Variants in RBMS1 observed in about 807,000 individuals in gnomAD.
RBMS1 encodes RNA-binding motif, single-stranded-interacting protein 1.
RBMS1 carries 17 observed loss-of-function variants against 62.3 expected under a neutral mutation model. That is an observed-to-expected ratio of 0.27 (90% CI 0.19 to 0.41). The LOEUF is 0.41. Ranked by LOEUF, RBMS1 falls within the 10% of genes least tolerant of loss-of-function variation. RBMS1 has a pLI of 1.00. For synonymous variants in RBMS1, 172 were observed against 170.0 expected, an observed-to-expected ratio of 1.01 and a Z score of -0.09; for missense variants, 334 against 504.5, an observed-to-expected ratio of 0.66 and a Z score of 3.24.
intron 2 of RBMS1, among the ~76,000 whole-genome samples, chr2:160,324,907 T>TATATATATATATATACACACACACAC (rs1321182985): frequency 9.4e-6 from 1 of 106,778 alleles, no homozygotes; most frequent in African/African-American, 4.2e-5. Flanking sequence ...TATATATATA[T>TATATATATATATATACACACACACAC]ACACACACAC....
At chr2:160,451,463 T>C (rs1180895694) in intron 1 of RBMS1, among the ~76,000 whole-genome samples, 1 of 152,172 alleles carries the variant, frequency 6.6e-6, no homozygotes, top group East Asian at 1.9e-4. Context: ...ATAATCTATA[T>C]TTGGATTAAA....
chr2:160,392,089 C>G (rs1412611770), intron 1 of RBMS1, among the ~76,000 whole-genome samples: 1 of 152,136 alleles, frequency 6.6e-6, no homozygotes, highest in African/African-American at 2.4e-5. Flanking sequence ...GCTCTTAATC[C>G]AAAACCTTTT....
chr2:160,344,126 T>C (rs1185278361), intron 2 of RBMS1, among the ~76,000 whole-genome samples: 2 of 152,162 alleles, frequency 1.3e-5, no homozygotes, highest in African/African-American at 4.8e-5. Flanking sequence ...TTCTTTCTTT[T>C]AACCTGAAAG....
intron 1 of RBMS1, among the ~76,000 whole-genome samples, chr2:160,455,251 A>G (rs1684169995): frequency 6.6e-6 from 1 of 152,260 alleles, no homozygotes; most frequent in Non-Finnish European, 1.5e-5. Flanking sequence ...ATAAATGGCA[A>G]TATAAGACAT....
At chr2:160,451,678 G>A (rs979306344) in intron 1 of RBMS1, among the ~76,000 whole-genome samples, 7 of 151,498 alleles carry the variant, frequency 4.6e-5, no homozygotes, top group African/African-American at 1.7e-4. Flanking sequence ...GTGCAATCTC[G>A]GCTCACTGCA....
chr2:160,377,090 G>T (rs201833797), intron 1 of RBMS1, among the ~76,000 whole-genome samples: 5 of 148,254 alleles, frequency 3.4e-5, no homozygotes, highest in African/African-American at 1.2e-4. Context: ...GGCTTGCTGG[G>T]TTTTTTTTTT....
At chr2:160,355,250 A>G (rs957298742) in intron 2 of RBMS1, among the ~76,000 whole-genome samples, 7 of 152,106 alleles carry the variant, frequency 4.6e-5, no homozygotes, top group Non-Finnish European at 1.0e-4. Context: ...CACCTGTTTC[A>G]GCTGACAGAA....
At chr2:160,327,634 T>C (rs1559388008) in intron 2 of RBMS1, among the ~76,000 whole-genome samples, 2 of 152,146 alleles carry the variant, frequency 1.3e-5, no homozygotes, top group South Asian at 2.1e-4. Context: ...TACATTATCT[T>C]ATGACAATAT....
chr2:160,291,181 C>T (rs966291031), intron 6 of RBMS1, among the ~76,000 whole-genome samples: 2 of 152,192 alleles, frequency 1.3e-5, no homozygotes, highest in African/African-American at 4.8e-5. Context: ...CAGGTTCTAA[C>T]GAAGGTCTTC....
intron 10 of RBMS1, chr2:160,278,904 T>A (rs916223839): frequency 2.8e-6 from 1 of 358,746 alleles, no homozygotes; most frequent in African/African-American, 2.1e-5. Context: ...AATCCCTGTA[T>A]TAAAGCCAGT....
intron 1 of RBMS1, among the ~76,000 whole-genome samples, chr2:160,458,622 T>A (rs973083300): frequency 6.6e-6 from 1 of 152,048 alleles, no homozygotes; most frequent in Non-Finnish European, 1.5e-5. Context: ...CATGGTAAAA[T>A]CCCATGTCTA....
At chr2:160,352,054 G>A (rs1383506287) in intron 2 of RBMS1, among the ~76,000 whole-genome samples, 1 of 152,146 alleles carries the variant, frequency 6.6e-6, no homozygotes, top group Non-Finnish European at 1.5e-5. Flanking sequence ...AGATCCTGCA[G>A]AGCTGCTAAT....
chr2:160,287,210 G>A (rs1688446329), intron 6 of RBMS1, 126 bp from the exon 7 acceptor site: 2 of 1,264,014 alleles, frequency 1.6e-6, no homozygotes, highest in East Asian at 2.4e-5. Context: ...TAAGGCAAAA[G>A]CAGTTTACTC....
chr2:160,422,053 G>C (rs1034306565), intron 1 of RBMS1, among the ~76,000 whole-genome samples: 15 of 152,186 alleles, frequency 9.9e-5, no homozygotes, highest in African/African-American at 3.4e-4. Context: ...CTGGCTGTTA[G>C]CTACTTTCAC....
intron 2 of RBMS1, among the ~76,000 whole-genome samples, chr2:160,337,067 A>G (rs1691612463): frequency 6.6e-6 from 1 of 151,774 alleles, no homozygotes; most frequent in Non-Finnish European, 1.5e-5. Context: ...ATCTCTGAGA[A>G]TGTCTGAATA....
chr2:160,335,328 G>A (rs1255906845), intron 2 of RBMS1, among the ~76,000 whole-genome samples: 1 of 152,170 alleles, frequency 6.6e-6, no homozygotes, highest in Admixed American at 6.5e-5. Context: ...GAGAAGGAGG[G>A]TGGCAAAGCA....
chr2:160,285,071 C>T, intron 7 of RBMS1, 27 bp from the exon 8 acceptor site: 3 of 1,598,778 alleles, frequency 1.9e-6, no homozygotes, highest in Non-Finnish European at 2.6e-6. Flanking sequence ...GAAATATAAA[C>T]ATTCATCTAG....
intron 1 of RBMS1, among the ~76,000 whole-genome samples, chr2:160,484,479 A>T (rs1685507424): frequency 6.6e-6 from 1 of 151,018 alleles, no homozygotes; most frequent in African/African-American, 2.4e-5. Context: ...TGGGCGACAG[A>T]GCGAGCGAGA....
chr2:160,464,800 G>A (rs1684620056), intron 1 of RBMS1, among the ~76,000 whole-genome samples: 1 of 152,126 alleles, frequency 6.6e-6, no homozygotes, highest in South Asian at 2.1e-4. Context: ...GAAGAGTTAA[G>A]AAAATATTCT....
Sources: gnomAD v4.1 joint callset for allele counts (sites outside exome capture counted in the v4.1 genomes callset) on GRCh38, gnomAD v4.1.1 for gene constraint, MANE v1.5 for transcripts, NCBI Gene and HGNC (gene_info 2026-07-23, HGNC 2026-07-21) for gene names.